Variants in PAQR8 observed in about 807,000 individuals in gnomAD.
PAQR8 encodes membrane progestin receptor beta.
Under a neutral mutation model 25.2 loss-of-function variants are expected in PAQR8, and 17 were observed. The ratio of observed to expected loss-of-function variants is 0.67; its 90% CI spans 0.46 to 1.01. PAQR8 has a LOEUF of 1.01. Ranked by LOEUF, PAQR8 falls within the 50% of genes least tolerant of loss-of-function variation. The probability of loss-of-function intolerance (pLI) is 0.00; values close to 1 mark genes in which losing one functional copy is unlikely to be tolerated. For synonymous variants in PAQR8, 204 were observed against 190.6 expected (o/e 1.07, Z -0.58); for missense variants, 392 against 448.4 (o/e 0.87, Z 1.14).
intron 1 of PAQR8, among the ~76,000 whole-genome samples, chr6:52,366,290 C>G (rs951830487): frequency 3.3e-5 from 5 of 152,142 alleles, no homozygotes; most frequent in Non-Finnish European, 7.4e-5. Context: ...TGAGAATTCT[C>G]TGTTCTAGGC....
intron 1 of PAQR8, among the ~76,000 whole-genome samples, chr6:52,399,374 C>G (rs920968607): frequency 1.2e-4 from 18 of 152,120 alleles, no homozygotes; most frequent in African/African-American, 4.3e-4. Flanking sequence ...CAGACAGATG[C>G]CAGTTAGTTC....
intron 1 of PAQR8, among the ~76,000 whole-genome samples, chr6:52,388,233 A>G (rs1228622211): frequency 6.6e-6 from 1 of 151,966 alleles, no homozygotes; most frequent in African/African-American, 2.4e-5. Context: ...AAAATCAGCT[A>G]GGTGTGGTGG....
chr6:52,394,793 C>G (rs73740369), intron 1 of PAQR8, among the ~76,000 whole-genome samples: 13,630 of 152,208 alleles, frequency 0.09, 1,118 homozygotes, highest in Admixed American at 0.26. Flanking sequence ...TATAACCCAT[C>G]ATATGTCAAG....
At chr6:52,363,300 C>T (rs1466743260) in intron 1 of PAQR8, among the ~76,000 whole-genome samples, 1 of 152,156 alleles carries the variant, frequency 6.6e-6, no homozygotes, top group Non-Finnish European at 1.5e-5. Flanking sequence ...GGAGCCTTGG[C>T]AGGCTCATTG....
intron 1 of PAQR8, among the ~76,000 whole-genome samples, chr6:52,394,311 TAAC>T (rs1323651294): frequency 1.3e-5 from 2 of 152,342 alleles, no homozygotes; most frequent in East Asian, 3.9e-4. Context: ...TTTCAGGGGA[TAAC>T]AACTATCACC....
At position 52,406,282 on chromosome 6, in the gene PAQR8, G is replaced by T; in HGVS notation, c.*2004G>T. On this transcript the variant is annotated 3_prime_UTR_variant, in exon 2 of 2. Coordinates refer to ENST00000442253, the MANE Select transcript of PAQR8 (RefSeq NM_133367.5). ...GATTCAAAGACTTATTTTGAAAGTT[G>T]GAAGGAGAAGGGAGGGAAGAGAGCA... 1 of 405,198 alleles carries T rather than the reference G, an allele frequency of 2.5e-6. No individual in the cohort carries two copies. The highest frequency in any genetic ancestry group is 4.5e-6 in the Non-Finnish European group (1 of 221,340). The allele number at this position is 405,198 out of a possible 1,614,324, so 25.1% of individuals were successfully genotyped here. A position where few individuals can be genotyped will look rare whatever the true frequency, so the allele number is the denominator to read the frequency against.
At position 52,378,967 on chromosome 6, in the gene PAQR8, G is replaced by A. The variant is rs1318387523; in HGVS notation, c.-53+16718G>A. On this transcript the variant is annotated intron_variant, in intron 1 of 1. Coordinates refer to ENST00000442253, the MANE Select transcript of PAQR8 (RefSeq NM_133367.5). ...CAAAAATTAGCCAGGCATGGTGGTG[G>A]GCGCCTGTAGTCCCAGCTACTCGGG... Among the ~76,000 whole-genome samples, 7 of 151,154 alleles carry A rather than the reference G, an allele frequency of 4.6e-5. No individual in the cohort carries two copies. In the South Asian group the frequency reaches 1.0e-3, roughly 23 times the overall value.
At position 52,404,834 on chromosome 6, in the gene PAQR8, TAA is replaced by T. The variant is rs1763889053; in HGVS notation, c.*557_*558del. 1 of 169,816 alleles carries T rather than the reference TAA, an allele frequency of 5.9e-6. No individual in the cohort carries two copies. Among genetic ancestry groups the T allele is most frequent in the Non-Finnish European group, 1.4e-5 (1 of 69,900 alleles). 10.5% of individuals were successfully genotyped at this position (169,816 alleles called of 1,614,324 possible). On this transcript the variant is annotated 3_prime_UTR_variant, in exon 2 of 2. Coordinates refer to ENST00000442253, the MANE Select transcript of PAQR8 (RefSeq NM_133367.5). ...CTGGTCCCTCCTTTCTCGACAACTA[TAA>T]TACTAACCCTTTTCTCAGGATAACT...
chr6:52,363,549 G>GT (rs1432857059), intron 1 of PAQR8, among the ~76,000 whole-genome samples: 3 of 152,152 alleles, frequency 2.0e-5, no homozygotes, highest in Non-Finnish European at 4.4e-5. Context: ...CTGTTTCTGG[G>GT]TAAAAACGAG....
intron 1 of PAQR8, among the ~76,000 whole-genome samples, chr6:52,399,300 C>T (rs192461328): frequency 6.6e-6 from 1 of 152,296 alleles, no homozygotes; most frequent in Non-Finnish European, 1.5e-5. Flanking sequence ...CAGAGCTCTG[C>T]AGTCATGGTC....
chr6:52,366,082 A>G (rs1218421444), intron 1 of PAQR8, among the ~76,000 whole-genome samples: 1 of 152,134 alleles, frequency 6.6e-6, no homozygotes, highest in Admixed American at 6.5e-5. Context: ...TTTTTAAACA[A>G]TAGGGAAGAA....
chr6:52,385,073 A>G (rs1445498733), intron 1 of PAQR8, among the ~76,000 whole-genome samples: 1 of 152,126 alleles, frequency 6.6e-6, no homozygotes, highest in Non-Finnish European at 1.5e-5. Context: ...ACCCAATCTC[A>G]TCTTGAATTG....
Position 52,382,118 on chromosome 6 carries a change from A to G in PAQR8, c.-53+19869A>G, listed in dbSNP as rs16882438. Among the ~76,000 whole-genome samples, 1,523 of 152,312 alleles carry G rather than the reference A, an allele frequency of 1.0e-2. 10 individuals carry two copies. The highest frequency in any genetic ancestry group is 0.043 in the South Asian group (209 of 4,822). Reference sequence around the variant, plus strand: ...CTTGCCCATAAGAAACTTATGGCCTACTTGGGAATACTCAGGTAACTACAG... The same window carrying G: ...CTTGCCCATAAGAAACTTATGGCCTGCTTGGGAATACTCAGGTAACTACAG... On this transcript the variant is annotated intron_variant, in intron 1 of 1. Coordinates refer to ENST00000442253, the MANE Select transcript of PAQR8 (RefSeq NM_133367.5).
intron 1 of PAQR8, among the ~76,000 whole-genome samples, chr6:52,392,638 G>A (rs1433369038): frequency 1.3e-5 from 2 of 152,188 alleles, no homozygotes; most frequent in Admixed American, 6.5e-5. Context: ...TATATGCATA[G>A]CAGATTTAGT....
At chr6:52,378,799 G>A (rs535483223) in intron 1 of PAQR8, among the ~76,000 whole-genome samples, 6 of 145,968 alleles carry the variant, frequency 4.1e-5, no homozygotes, top group Admixed American at 4.1e-4. Context: ...TAAAAAAAAA[G>A]GGGGGGAAGA....
At chr6:52,387,127 GA>G in intron 1 of PAQR8, among the ~76,000 whole-genome samples, 1 of 152,206 alleles carries the variant, frequency 6.6e-6, no homozygotes, top group African/African-American at 2.4e-5. Flanking sequence ...TCTAATTACA[GA>G]AAAGGCCACA....
At position 52,403,913 on chromosome 6, in the gene PAQR8, C is replaced by T. The variant is rs545019683; in HGVS notation, c.700C>T (p.Leu234Phe). Reference protein sequence around the residue: ...DISPVAHRVALCHLAGCQEQA... With the variant: ...DISPVAHRVAFCHLAGCQEQA... ...CAGCCCTGTGGCACACCGTGTGGCG[C>T]TCTGTCACCTGGCTGGCTGCCAGGA... Residue 234 changes from leucine to phenylalanine, a missense_variant, in exon 2 of 2, where the codon CTC becomes TTC. Coordinates refer to ENST00000442253, the MANE Select transcript of PAQR8 (RefSeq NM_133367.5). 1.9e-6 allele frequency: 3 copies of T among 1,614,236 alleles called. No homozygotes were observed. Among genetic ancestry groups the T allele is most frequent in the Admixed American group, 3.3e-5 (2 of 60,028 alleles).
intron 1 of PAQR8, among the ~76,000 whole-genome samples, chr6:52,363,986 T>G (rs1763320524): frequency 6.6e-6 from 1 of 152,088 alleles, no homozygotes; most frequent in African/African-American, 2.4e-5. Context: ...TTGTTAATTA[T>G]GTATGGTAAT....
Position 52,405,699 on chromosome 6 carries a change from CCA to C in PAQR8, c.*1422_*1423del, listed in dbSNP as rs145558413. 6 of 167,150 alleles carry C rather than the reference CCA, an allele frequency of 3.6e-5. No individual in the cohort carries two copies. Among genetic ancestry groups the C allele is most frequent in the African/African-American group, 1.2e-4 (5 of 41,552 alleles). The allele number at this position is 167,150 out of a possible 1,614,324, so 10.4% of individuals were successfully genotyped here. A position where few individuals can be genotyped will look rare whatever the true frequency, so the allele number is the denominator to read the frequency against. Reference sequence around the variant, plus strand: ...TACTAAAAAGGGACATGATTTAACTCCAGTTTGATGAACCTCCTCCGAGTTTA... The same window carrying C: ...TACTAAAAAGGGACATGATTTAACTCGTTTGATGAACCTCCTCCGAGTTTA... On this transcript the variant is annotated 3_prime_UTR_variant, in exon 2 of 2. Transcript: ENST00000442253.
Sources: allele counts gnomAD v4.1 joint callset (sites outside exome capture counted in the v4.1 genomes callset), GRCh38; gene constraint gnomAD v4.1.1; transcripts MANE v1.5; gene names NCBI Gene and HGNC (gene_info 2026-07-23, HGNC 2026-07-21).